SCD5: variants seen among roughly 807,000 people sequenced by gnomAD.
The protein encoded by SCD5 is stearoyl-CoA desaturase 5.
SCD5 carries 20 observed loss-of-function variants against 30.4 expected under a neutral mutation model. The ratio of observed to expected loss-of-function variants is 0.66; its 90% CI spans 0.46 to 0.96. The LOEUF (loss-of-function observed/expected upper bound fraction) is 0.96, where lower values mean the gene tolerates loss of function less well. SCD5 is among the 40% of genes least tolerant of loss of function. The probability of loss-of-function intolerance (pLI) is 0.00; values close to 1 mark genes in which losing one functional copy is unlikely to be tolerated. For missense variants in SCD5, 381 were observed against 443.3 expected, an observed-to-expected ratio of 0.86 and a Z score of 1.26; for synonymous variants, 173 against 176.4, an observed-to-expected ratio of 0.98 and a Z score of 0.16.
At chr4:82,644,066 C>T (rs1424558602) in intron 3 of SCD5, among the ~76,000 whole-genome samples, 2 of 152,170 alleles carry the variant, frequency 1.3e-5, no homozygotes, top group South Asian at 2.1e-4. Flanking sequence ...CTTAGCACAC[C>T]GTAGTGGACA....
chr4:82,782,631 A>C (rs1721896656), intron 1 of SCD5, among the ~76,000 whole-genome samples: 1 of 152,080 alleles, frequency 6.6e-6, no homozygotes, highest in Admixed American at 6.6e-5. Flanking sequence ...CCAAGTATCT[A>C]TTCCCATCCC....
chr4:82,742,987 G>A (rs1337390195), intron 1 of SCD5, among the ~76,000 whole-genome samples: 2 of 152,156 alleles, frequency 1.3e-5, no homozygotes, highest in Admixed American at 6.5e-5. Flanking sequence ...CTGAGAATGT[G>A]TAAGGAGAGA....
intron 2 of SCD5, among the ~76,000 whole-genome samples, chr4:82,702,351 G>T (rs931354063): frequency 1.3e-5 from 2 of 151,540 alleles, no homozygotes; most frequent in African/African-American, 4.9e-5. Flanking sequence ...TGCCATGTTG[G>T]CCAGGCTGCT....
At chr4:82,655,387 T>G (rs929732552) in intron 3 of SCD5, among the ~76,000 whole-genome samples, 1 of 152,160 alleles carries the variant, frequency 6.6e-6, no homozygotes, top group Non-Finnish European at 1.5e-5. Flanking sequence ...AAGCAAGCAT[T>G]TGGCCACACT....
intron 1 of SCD5, among the ~76,000 whole-genome samples, chr4:82,719,823 A>T (rs1400697161): frequency 6.6e-6 from 1 of 151,074 alleles, no homozygotes; most frequent in Admixed American, 6.6e-5. Flanking sequence ...TCTTTTTGAG[A>T]CAGGGTCTCG....
chr4:82,637,314 C>G (rs933231405), intron 3 of SCD5, among the ~76,000 whole-genome samples: 1 of 152,130 alleles, frequency 6.6e-6, no homozygotes, highest in Non-Finnish European at 1.5e-5. Flanking sequence ...ATCTTCCACC[C>G]AAAAACAAGT....
intron 1 of SCD5, among the ~76,000 whole-genome samples, chr4:82,778,864 T>C (rs563679214): frequency 6.6e-6 from 1 of 150,388 alleles, no homozygotes; most frequent in East Asian, 1.9e-4. Flanking sequence ...GCCAACTAGC[T>C]AATCTTTTTT....
At chr4:82,763,293 C>T (rs1424705844) in intron 1 of SCD5, among the ~76,000 whole-genome samples, 1 of 152,118 alleles carries the variant, frequency 6.6e-6, no homozygotes, top group African/African-American at 2.4e-5. Flanking sequence ...AGGTGGACCA[C>T]CTGAGGTCAG....
chr4:82,689,844 C>A (rs1728793418), intron 2 of SCD5, among the ~76,000 whole-genome samples: 1 of 152,158 alleles, frequency 6.6e-6, no homozygotes, highest in Admixed American at 6.5e-5. Context: ...ATGTCATGTG[C>A]CTCTTTTTCA....
chr4:82,792,292 G>T (rs553179833), intron 1 of SCD5, among the ~76,000 whole-genome samples: 1 of 152,074 alleles, frequency 6.6e-6, no homozygotes, highest in Non-Finnish European at 1.5e-5. Context: ...CCTTACATTT[G>T]AGTCACAAGT....
At position 82,649,638 on chromosome 4, in the gene SCD5, G is replaced by T. The variant is rs140627524; in HGVS notation, c.570-12815C>A. ...GTCTTCCATGCAAGGGGCTGTCAGG[G>T]TGTCCAAAGGGCAGAGGTAGGTCTT... On this transcript the variant is annotated intron_variant, in intron 3 of 4. Transcript: ENST00000319540. 8.2e-3 allele frequency among the ~76,000 whole-genome samples: 1,249 copies of T among 152,266 alleles called. 14 individuals are homozygous for T. The highest frequency in any genetic ancestry group is 0.014 in the Admixed American group (207 of 15,290).
rs1463470646 is a variant in SCD5 at position 82,684,746 on chromosome 4, A to T, written c.364-3834T>A. 3.3e-5 allele frequency among the ~76,000 whole-genome samples: 5 copies of T among 152,276 alleles called. No individual in the cohort carries two copies. In the East Asian group the frequency reaches 9.6e-4, roughly 29 times the overall value. On this transcript the variant is annotated intron_variant, in intron 2 of 4. Coordinates refer to ENST00000319540, the MANE Select transcript of SCD5 (RefSeq NM_001037582.3). Reference sequence around the variant, plus strand: ...AAGCCATACCCCCAGCGGTATCCTGATAATCTCTCTTCCTCTTAGTGTTTG... The same window carrying T: ...AAGCCATACCCCCAGCGGTATCCTGTTAATCTCTCTTCCTCTTAGTGTTTG...
intron 3 of SCD5, among the ~76,000 whole-genome samples, chr4:82,649,508 C>T (rs1156790191): frequency 6.6e-6 from 1 of 152,184 alleles, no homozygotes; most frequent in Non-Finnish European, 1.5e-5. Context: ...AGGGGCATTA[C>T]CTAGGGCCTT....
chr4:82,737,104 G>T (rs911850393), intron 1 of SCD5, among the ~76,000 whole-genome samples: 1 of 152,110 alleles, frequency 6.6e-6, no homozygotes, highest in African/African-American at 2.4e-5. Flanking sequence ...ACTTCGCCAT[G>T]TTGCTTTCCA....
intron 1 of SCD5, among the ~76,000 whole-genome samples, chr4:82,724,171 G>A (rs1720425203): frequency 6.6e-6 from 1 of 152,180 alleles, no homozygotes; most frequent in South Asian, 2.1e-4. Flanking sequence ...GTTTGAAAAT[G>A]TACATAATAA....
intron 1 of SCD5, among the ~76,000 whole-genome samples, chr4:82,746,926 G>A (rs980351089): frequency 7.7e-5 from 11 of 143,014 alleles, no homozygotes; most frequent in South Asian, 2.5e-4. Context: ...ATATAAACCC[G>A]AGACCTTAAG....
intron 1 of SCD5, among the ~76,000 whole-genome samples, chr4:82,747,524 T>C (rs1560551816): frequency 1.3e-5 from 2 of 152,236 alleles, no homozygotes; most frequent in East Asian, 1.9e-4. Context: ...GTTTCTCTTA[T>C]ATAAAATGGG....
intron 1 of SCD5, among the ~76,000 whole-genome samples, chr4:82,739,073 T>A (rs562850693): frequency 1.3e-5 from 2 of 152,324 alleles, no homozygotes; most frequent in South Asian, 2.1e-4. Flanking sequence ...ATAATAATCT[T>A]ACCCCTACTA....
chr4:82,741,496 G>A (rs1427481382), intron 1 of SCD5, among the ~76,000 whole-genome samples: 1 of 152,192 alleles, frequency 6.6e-6, no homozygotes, highest in Non-Finnish European at 1.5e-5. Flanking sequence ...AGTGACGGCA[G>A]CTGCATGAGC....
Sources: allele counts gnomAD v4.1 joint callset (sites outside exome capture counted in the v4.1 genomes callset), GRCh38; gene constraint gnomAD v4.1.1; transcripts MANE v1.5; gene names NCBI Gene and HGNC (gene_info 2026-07-23, HGNC 2026-07-21).